ZFHX3: variants seen among roughly 807,000 people sequenced by gnomAD.
The protein encoded by ZFHX3 is zinc finger homeobox 3, also known as zinc finger homeobox protein 3.
In ZFHX3, 42 loss-of-function variants were observed where a neutral mutation model predicts 279.1. That is an observed-to-expected ratio of 0.15 (90% CI 0.12 to 0.19). ZFHX3 has a LOEUF of 0.19. Ranked by LOEUF, ZFHX3 falls within the 10% of genes least tolerant of loss-of-function variation. The pLI is 1.00. For synonymous variants in ZFHX3, 2,293 were observed against 1,957.8 expected, an observed-to-expected ratio of 1.17 and a Z score of -4.52; for missense variants, 4,981 against 4,754.0, an observed-to-expected ratio of 1.05 and a Z score of -1.40.
chr16:73,677,345 T>A (rs934927051), intron 2 of ZFHX3, among the ~76,000 whole-genome samples: 18 of 151,980 alleles, frequency 1.2e-4, no homozygotes, highest in African/African-American at 4.3e-4. Flanking sequence ...ATGGATAAAG[T>A]AAGAATATAA....
At chr16:73,859,652 C>CA (rs1190162868) in intron 1 of ZFHX3, among the ~76,000 whole-genome samples, 1 of 151,926 alleles carries the variant, frequency 6.6e-6, no homozygotes, top group East Asian at 1.9e-4. Context: ...GAGGCAATAA[C>CA]AAAAAAGCAA....
chr16:73,537,924 A>G (rs962022845), intron 2 of ZFHX3, among the ~76,000 whole-genome samples: 3 of 152,238 alleles, frequency 2.0e-5, no homozygotes, highest in African/African-American at 7.2e-5. Context: ...CAATCTTGAA[A>G]AGGCCATTAC....
chr16:72,814,584 T>G lies in ZFHX3; in HGVS notation c.3530-2546A>C, dbSNP rs961317194. 2.0e-5 allele frequency among the ~76,000 whole-genome samples: 3 copies of G among 150,152 alleles called. No homozygotes were observed. In the Admixed American group the frequency reaches 2.0e-4, roughly 10 times the overall value. ...TCTGGTTTCAGAAGCCACTATTCTTTCCCCCTGCATGGAGAGGGGAACTTC... is the reference window on the plus strand; with the variant it reads ...TCTGGTTTCAGAAGCCACTATTCTTGCCCCCTGCATGGAGAGGGGAACTTC... On this transcript the variant is annotated intron_variant, in intron 5 of 9. Transcript: ENST00000268489.
intron 8 of ZFHX3, among the ~76,000 whole-genome samples, chr16:73,087,350 C>T (rs1040169996): frequency 6.6e-6 from 1 of 152,074 alleles, no homozygotes; most frequent in Non-Finnish European, 1.5e-5. Context: ...ACCAACGTAC[C>T]CAGCGGGACA....
At chr16:72,806,185 A>G (rs913229416) in intron 7 of ZFHX3, among the ~76,000 whole-genome samples, 6 of 152,130 alleles carry the variant, frequency 3.9e-5, no homozygotes, top group African/African-American at 1.2e-4. Context: ...CTGCTTCTGT[A>G]TGGTAGTTCA....
intron 1 of ZFHX3, among the ~76,000 whole-genome samples, chr16:73,817,691 C>T (rs915091833): frequency 6.6e-5 from 10 of 152,298 alleles, no homozygotes; most frequent in African/African-American, 2.4e-4. Flanking sequence ...TCCCTGGAGA[C>T]GAGCAGCATT....
chr16:73,780,275 G>A (rs1359272196), intron 1 of ZFHX3, among the ~76,000 whole-genome samples: 12 of 151,004 alleles, frequency 7.9e-5, no homozygotes, highest in Admixed American at 7.3e-4. Context: ...AGCCTCCTGA[G>A]TAGCTGGGGC....
chr16:73,595,872 C>G (rs759308259), intron 2 of ZFHX3, among the ~76,000 whole-genome samples: 18 of 152,180 alleles, frequency 1.2e-4, no homozygotes, highest in Non-Finnish European at 1.8e-4. Context: ...TCCCATCTAT[C>G]CCAAATCCCA....
In ZFHX3 at chr16:73,109,995, C is replaced by G. The variant is rs146820376; in HGVS notation, c.-896-16397G>C. ...GTGGCTCATGCCTGTAATCCCAGCA[C>G]TTTGGGAGGCTGAGGCGGGCAGATC... On this transcript the variant is annotated intron_variant, in intron 7 of 17. Transcript: ENST00000641206. Among the ~76,000 whole-genome samples, 1,490 of 152,186 alleles carry G rather than the reference C, an allele frequency of 9.8e-3. 29 individuals are homozygous for G. The highest frequency in any genetic ancestry group is 0.034 in the African/African-American group (1,426 of 41,514).
intron 7 of ZFHX3, chr16:73,127,556 C>T (rs1313981667): frequency 2.3e-6 from 3 of 1,305,410 alleles, no homozygotes; most frequent in South Asian, 1.2e-5. Flanking sequence ...TGGGCTCAGC[C>T]GAGCTGACTG....
chr16:73,753,886 C>A (rs751180297), intron 1 of ZFHX3, among the ~76,000 whole-genome samples: 17 of 151,860 alleles, frequency 1.1e-4, no homozygotes, highest in Non-Finnish European at 1.8e-4. Context: ...CCCTGTAATT[C>A]CCCTAGAAGA....
intron 3 of ZFHX3, among the ~76,000 whole-genome samples, chr16:72,897,377 G>T (rs1329191547): frequency 6.6e-6 from 1 of 152,194 alleles, no homozygotes; most frequent in Non-Finnish European, 1.5e-5. Context: ...GACATAGCGG[G>T]TGTTCATTCA....
chr16:73,234,123 G>T (rs1002937374), intron 5 of ZFHX3, among the ~76,000 whole-genome samples: 20 of 152,124 alleles, frequency 1.3e-4, no homozygotes, highest in Admixed American at 6.5e-5. Flanking sequence ...CTCTCCGAGA[G>T]GGAGGGAAAG....
chr16:73,585,440 G>T (rs909881200), intron 2 of ZFHX3, among the ~76,000 whole-genome samples: 4 of 152,046 alleles, frequency 2.6e-5, no homozygotes, highest in South Asian at 2.1e-4. Context: ...CACACACTGG[G>T]GCTTGTCGGG....
intron 1 of ZFHX3, among the ~76,000 whole-genome samples, chr16:73,823,982 A>G (rs1299072709): frequency 6.6e-6 from 1 of 152,216 alleles, no homozygotes; most frequent in Non-Finnish European, 1.5e-5. Flanking sequence ...TTCACGGAAT[A>G]ACTACACTCC....
At chr16:73,456,381 T>C (rs1284517185) in intron 2 of ZFHX3, 1 of 152,210 alleles carries the variant, frequency 6.6e-6, no homozygotes. Flanking sequence ...TATCTTCTTC[T>C]GCAGCACAGA....
Position 73,724,500 on chromosome 16 carries a change from T to C in ZFHX3, c.-1607-44260A>G, listed in dbSNP as rs192183695. The stretch of plus-strand genomic sequence containing the variant: ...CTTTGGTGAGACTTGGGGTGCCTAG[T>C]TGGCCACAGTGGGCTGTCTGGCCTA... On this transcript the variant is annotated intron_variant, in intron 1 of 17. Coordinates refer to the ZFHX3 transcript ENST00000641206. Among the ~76,000 whole-genome samples the C allele has an allele frequency of 1.2e-3, 178 of 152,330 alleles. 1 individual carries two copies. Among genetic ancestry groups the C allele is most frequent in the Non-Finnish European group, 7.3e-5 (5 of 68,042 alleles).
chr16:73,819,373 C>G (rs1205376000), intron 1 of ZFHX3, among the ~76,000 whole-genome samples: 1 of 150,966 alleles, frequency 6.6e-6, no homozygotes, highest in Non-Finnish European at 1.5e-5. Context: ...ATGTGAGAGT[C>G]AAAAGTTACA....
At chr16:73,625,969 T>C (rs1195840016) in intron 2 of ZFHX3, among the ~76,000 whole-genome samples, 1 of 152,188 alleles carries the variant, frequency 6.6e-6, no homozygotes, top group Non-Finnish European at 1.5e-5. Context: ...GCCATTCTTC[T>C]GCCTCAGCCT....
Sources: gnomAD v4.1 joint callset for allele counts (sites outside exome capture counted in the v4.1 genomes callset) on GRCh38, gnomAD v4.1.1 for gene constraint, MANE v1.5 for transcripts, NCBI Gene and HGNC (gene_info 2026-07-23, HGNC 2026-07-21) for gene names.